GCA: variants seen among roughly 807,000 people sequenced by gnomAD.
The protein encoded by GCA is grancalcin, EF-hand calcium-binding protein.
A neutral mutation model predicts 32.6 loss-of-function variants in GCA; 30 were observed. That is an observed-to-expected ratio of 0.92 (90% CI 0.69 to 1.25). GCA has a LOEUF of 1.25. Ranked by LOEUF, GCA falls within the 50% of genes most tolerant of loss-of-function variation. GCA has a pLI of 0.00. For missense variants in GCA, 291 were observed against 266.8 expected, an observed-to-expected ratio of 1.09 and a Z score of -0.63; for synonymous variants, 102 against 84.6, an observed-to-expected ratio of 1.21 and a Z score of -1.13.
intron 7 of GCA, 145 bp from the exon 8 acceptor site, chr2:162,360,072 C>T: frequency 5.2e-6 from 3 of 572,338 alleles, no homozygotes; most frequent in Non-Finnish European, 9.3e-6. Flanking sequence ...ATGGGGTCAA[C>T]ATTACTGATA....
chr2:162,345,131 G>GGTGGTGGTT (rs146219747), intron 1 of GCA, among the ~76,000 whole-genome samples: 88 of 144,214 alleles, frequency 6.1e-4, no homozygotes, highest in African/African-American at 1.6e-3. Flanking sequence ...TGGTGGTGGT[G>GGTGGTGGTT]GTGGTTGTGG....
chr2:162,361,738 C>CAT lies in GCA; in HGVS notation c.*1500_*1501dup. 1.0e-6 allele frequency: 1 copy of CAT among 981,402 alleles called. No individual in the cohort carries two copies. Among genetic ancestry groups the CAT allele is most frequent in the Non-Finnish European group, 1.2e-6 (1 of 826,574 alleles). 60.8% of individuals were successfully genotyped at this position (981,402 alleles called of 1,614,324 possible). ...TTTTGTTCTCTGGCTTTTTTATGAA[C>CAT]ATATATTTGATAATGTGAGAGGACA... On this transcript the variant is annotated 3_prime_UTR_variant, in exon 8 of 8. Transcript: ENST00000437150.
intron 4 of GCA, among the ~76,000 whole-genome samples, chr2:162,368,957 AG>A (rs1393911264): frequency 6.6e-6 from 1 of 152,124 alleles, no homozygotes; most frequent in Non-Finnish European, 1.5e-5. Flanking sequence ...AATTAATAAC[AG>A]CAGGAGATCA....
intron 5 of GCA, 135 bp downstream of exon 5, chr2:162,357,040 G>C: frequency 1.7e-6 from 1 of 575,676 alleles, no homozygotes; most frequent in Non-Finnish European, 3.0e-6. Context: ...TTGTTTTCAA[G>C]GTTGTAGGTA....
chr2:162,344,388 G>T, intron 1 of GCA, 113 bp downstream of exon 1: 1 of 1,005,026 alleles, frequency 9.9e-7, no homozygotes, highest in Non-Finnish European at 1.5e-6. Flanking sequence ...TCCGCGCCTG[G>T]TACTCGGCGG....
At chr2:162,347,527 G>A in intron 1 of GCA, 51 bp from the exon 2 acceptor site, 2 of 1,119,800 alleles carry the variant, frequency 1.8e-6, no homozygotes, top group Non-Finnish European at 2.5e-6. Flanking sequence ...AACTTTCATA[G>A]ATAATAGGTA....
rs13394012 is a variant in GCA, at chr2:162,326,012, G to C, written c.-31+6787G>C. Among the ~76,000 whole-genome samples the C allele has an allele frequency of 9.5e-3, 1,447 of 152,232 alleles. 13 individuals carry two copies. The highest frequency in any genetic ancestry group is 0.033 in the South Asian group (161 of 4,824). The stretch of plus-strand genomic sequence containing the variant: ...TCTAGGAGGGGGCAAGTGAGAGGCT[G>C]AAACTGGATGGGGAGGTCGGGGTGG... On this transcript the variant is annotated intron_variant, in intron 1 of 4. Coordinates refer to the GCA transcript ENST00000429691.
chr2:162,365,639 C>G (rs1212150646), downstream of GCA, among the ~76,000 whole-genome samples: 2 of 151,582 alleles, frequency 1.3e-5, no homozygotes, highest in Non-Finnish European at 3.0e-5. Flanking sequence ...TACACACATT[C>G]TTTTTTGAAA....
chr2:162,335,947 T>TA (rs1442751149), intron 1 of GCA, among the ~76,000 whole-genome samples: 3 of 152,138 alleles, frequency 2.0e-5, no homozygotes, highest in Admixed American at 6.5e-5. Context: ...TTAACAAAGT[T>TA]AAAAAAATAA....
chr2:162,329,822 T>C (rs1257789343), intron 1 of GCA, among the ~76,000 whole-genome samples: 1 of 152,144 alleles, frequency 6.6e-6, no homozygotes, highest in Non-Finnish European at 1.5e-5. Flanking sequence ...TTCATGATCT[T>C]TTCCCTCCTC....
chr2:162,345,320 T>G (rs1281500032), intron 1 of GCA, among the ~76,000 whole-genome samples: 1 of 152,190 alleles, frequency 6.6e-6, no homozygotes, highest in Non-Finnish European at 1.5e-5. Context: ...TTAAGGTACC[T>G]AAGGAAAGTA....
At chr2:162,372,153 A>C, downstream of GCA, 1 of 1,322,088 alleles carries the variant, frequency 7.6e-7, no homozygotes, top group South Asian at 1.3e-5. Context: ...TAGTCATTGA[A>C]AATTACACTA....
intron 4 of GCA, among the ~76,000 whole-genome samples, chr2:162,368,764 G>T (rs1004202541): frequency 4.6e-5 from 7 of 151,972 alleles, no homozygotes; most frequent in African/African-American, 1.7e-4. Context: ...ATGGACTTAA[G>T]AAACTATTCT....
intron 1 of GCA, 62 bp from the exon 2 acceptor site, chr2:162,347,516 C>A: frequency 9.6e-7 from 1 of 1,037,624 alleles, no homozygotes; most frequent in Non-Finnish European, 1.4e-6. Flanking sequence ...TCTTTTAATC[C>A]AACTTTCATA....
chr2:162,371,570 AT>A (rs748757993), exon 5 of GCA: 470 of 863,436 alleles, frequency 5.4e-4, no homozygotes, highest in Non-Finnish European at 6.3e-4. Flanking sequence ...CATGCATGTG[AT>A]TTAAAAAATA....
intron 1 of GCA, among the ~76,000 whole-genome samples, chr2:162,329,983 G>A (rs13408398): frequency 0.055 from 8,415 of 152,144 alleles, 803 homozygotes; most frequent in African/African-American, 0.19. Flanking sequence ...CTCCATCCAC[G>A]TCCGTGCACA....
chr2:162,353,582 G>T (rs767256784), intron 3 of GCA, among the ~76,000 whole-genome samples: 3 of 152,206 alleles, frequency 2.0e-5, no homozygotes, highest in Admixed American at 6.5e-5. Flanking sequence ...GGTTACAAAT[G>T]ATTCTCAAGT....
intron 7 of GCA, 28 bp downstream of exon 7, chr2:162,359,580 C>G: frequency 3.2e-6 from 4 of 1,260,444 alleles, no homozygotes; most frequent in Non-Finnish European, 4.6e-6. Flanking sequence ...GATATTTATA[C>G]TGCATTCTAG....
rs140731986 is a variant in GCA, at chr2:162,327,352, G to T, written c.-31+8127G>T. On this transcript the variant is annotated intron_variant, in intron 1 of 4. Transcript: ENST00000429691. ...TTAACTTCCCTATCAGAAACATTGT[G>T]GGGGGCAGGGGGAGCCCTCTCACTT... 4.5e-3 allele frequency among the ~76,000 whole-genome samples: 689 copies of T among 152,226 alleles called. 8 individuals carry two copies. The highest frequency in any genetic ancestry group is 0.016 in the African/African-American group (652 of 41,528).
Sources: allele counts gnomAD v4.1 joint callset (sites outside exome capture counted in the v4.1 genomes callset), GRCh38; gene constraint gnomAD v4.1.1; transcripts MANE v1.5; gene names NCBI Gene and HGNC (gene_info 2026-07-23, HGNC 2026-07-21).